The following KCTD1 variants were observed in gnomAD, a reference collection of about 807,000 sequenced individuals.
KCTD1 encodes the protein BTB/POZ domain-containing protein KCTD1.
In KCTD1, 24 loss-of-function variants were observed where a neutral mutation model predicts 66.0. The ratio of observed to expected loss-of-function variants is 0.36; its 90% confidence interval spans 0.26 to 0.51. The LOEUF (loss-of-function observed/expected upper bound fraction) is 0.51, where lower values mean the gene tolerates loss of function less well. Among genes scored for constraint, KCTD1 ranks in the 20% least tolerant of loss-of-function variants. The probability of loss-of-function intolerance (pLI) is 0.95; values close to 1 mark genes in which losing one functional copy is unlikely to be tolerated. For synonymous variants in KCTD1, 511 were observed against 517.2 expected (o/e 0.99, Z 0.16); for missense variants, 943 against 1,205.2 (o/e 0.78, Z 3.22).
intron 1 of KCTD1, among the ~76,000 whole-genome samples, chr18:26,628,672 T>C (rs973225497): frequency 4.6e-5 from 7 of 152,112 alleles, no homozygotes; most frequent in African/African-American, 1.7e-4. Flanking sequence ...TAAACCTTAC[T>C]CAACTTTCTA....
intron 1 of KCTD1, among the ~76,000 whole-genome samples, chr18:26,555,702 G>A (rs1334601609): frequency 6.6e-6 from 1 of 152,196 alleles, no homozygotes; most frequent in Non-Finnish European, 1.5e-5. Flanking sequence ...GTTCACAGAA[G>A]TTTAGAGAAT....
chr18:26,471,280 C>G (rs1981047352), intron 3 of KCTD1, among the ~76,000 whole-genome samples: 1 of 151,822 alleles, frequency 6.6e-6, no homozygotes, highest in Non-Finnish European at 1.5e-5. Flanking sequence ...ACGCTGTACT[C>G]TTACACCCAA....
intron 1 of KCTD1, among the ~76,000 whole-genome samples, chr18:26,623,490 G>A (rs1008151374): frequency 6.6e-6 from 1 of 152,126 alleles, no homozygotes; most frequent in South Asian, 2.1e-4. Flanking sequence ...CATGACATCT[G>A]ATGGTTTTAT....
chr18:26,599,561 T>G (rs1986842398), intron 1 of KCTD1: 1 of 1,508,934 alleles, frequency 6.6e-7, no homozygotes, highest in Non-Finnish European at 9.2e-7. Context: ...GCTGTTGCAG[T>G]CTGCCCACAA....
intron 1 of KCTD1, among the ~76,000 whole-genome samples, chr18:26,596,595 T>C (rs1986771770): frequency 6.6e-6 from 1 of 152,204 alleles, no homozygotes; most frequent in South Asian, 2.1e-4. Context: ...TTCAGATAGA[T>C]TTGCATTTGG....
intron 3 of KCTD1, 49 bp from the exon 4 acceptor site, chr18:26,459,974 C>A: frequency 7.4e-7 from 1 of 1,360,290 alleles, no homozygotes; most frequent in Non-Finnish European, 1.0e-6. Context: ...ACATAAAGTA[C>A]TAAACATGTC....
upstream of KCTD1, among the ~76,000 whole-genome samples, chr18:26,634,002 C>T (rs570484427): frequency 4.6e-5 from 7 of 152,290 alleles, no homozygotes; most frequent in South Asian, 6.2e-4. Flanking sequence ...GAAAGAACTA[C>T]GCTACACTCA....
At chr18:26,638,745 C>A (rs934868811) in intron 1 of KCTD1, among the ~76,000 whole-genome samples, 1 of 152,206 alleles carries the variant, frequency 6.6e-6, no homozygotes, top group Admixed American at 6.5e-5. Context: ...AAGACCTCAC[C>A]CCTTTTGATT....
rs1986555744 is a variant in KCTD1, at chr18:26,589,793, A to G, written c.-16+39354T>C. Among the ~76,000 whole-genome samples the G allele has an allele frequency of 3.9e-5, 6 of 152,188 alleles. No individual in the cohort carries two copies. The South Asian group carries it at 1.2e-3, about 32-fold the overall frequency. On this transcript the variant is annotated intron_variant, in intron 1 of 4. Coordinates refer to the KCTD1 transcript ENST00000317932. The stretch of plus-strand genomic sequence containing the variant: ...CATCCCCTGCCAGAAATGAGCACAC[A>G]AGGCAATTCTGGCCAGTGAGAGAGA...
chr18:26,639,371 G>C (rs564956457), intron 1 of KCTD1, among the ~76,000 whole-genome samples: 2 of 152,258 alleles, frequency 1.3e-5, no homozygotes, highest in African/African-American at 2.4e-5. Flanking sequence ...TCCCGAAGCC[G>C]GGCCCAGGGC....
chr18:26,609,362 C>T (rs71362653), intron 1 of KCTD1, among the ~76,000 whole-genome samples: 4,262 of 152,298 alleles, frequency 0.028, 97 homozygotes, highest in Non-Finnish European at 0.04. Context: ...ATGAATTCGG[C>T]TCCTGCCTCA....
upstream of KCTD1, among the ~76,000 whole-genome samples, chr18:26,631,923 G>A (rs1443631337): frequency 2.6e-5 from 4 of 151,180 alleles, no homozygotes; most frequent in South Asian, 4.2e-4. Context: ...GGTGGCGGGC[G>A]CCTGTAGTCC....
intron 1 of KCTD1, among the ~76,000 whole-genome samples, chr18:26,592,588 A>G (rs1349877018): frequency 6.6e-6 from 1 of 152,172 alleles, no homozygotes; most frequent in Non-Finnish European, 1.5e-5. Flanking sequence ...GGCCCATCCA[A>G]CATGAGCCCT....
In KCTD1 at chr18:26,518,454, C is replaced by T. The variant is rs183092059; in HGVS notation, c.1810-17204G>A. ...CTAAATTTTGTATTTTTAGTAGAGA[C>T]GGGGTTTCACCACATTGGTCAGGCT... On this transcript the variant is annotated intron_variant, in intron 1 of 4. Coordinates refer to ENST00000580059, the MANE Select transcript of KCTD1 (RefSeq NM_001142730.3). 8.4e-4 allele frequency among the ~76,000 whole-genome samples: 128 copies of T among 152,206 alleles called. 3 individuals are homozygous for T. Among genetic ancestry groups the T allele is most frequent in the African/African-American group, 2.7e-3 (114 of 41,540 alleles).
upstream of KCTD1, among the ~76,000 whole-genome samples, chr18:26,632,694 T>C (rs1321859477): frequency 6.6e-6 from 1 of 152,062 alleles, no homozygotes; most frequent in Non-Finnish European, 1.5e-5. Flanking sequence ...GTGGAGAAGA[T>C]GAAAATACCC....
chr18:26,644,584 C>G (rs996864936), upstream of KCTD1, among the ~76,000 whole-genome samples: 1 of 151,934 alleles, frequency 6.6e-6, no homozygotes, highest in African/African-American at 2.4e-5. Context: ...ATGGTGAAAC[C>G]CTGTCTCTAC....
At chr18:26,651,983 G>T (rs747933160) in intron 1 of KCTD1, among the ~76,000 whole-genome samples, 6 of 152,072 alleles carry the variant, frequency 3.9e-5, no homozygotes, top group Non-Finnish European at 7.4e-5. Context: ...GGCTCAGGGA[G>T]ATAGGTATTC....
chr18:26,472,053 G>A (rs1981095349), intron 3 of KCTD1, among the ~76,000 whole-genome samples: 1 of 152,186 alleles, frequency 6.6e-6, no homozygotes, highest in Admixed American at 6.5e-5. Flanking sequence ...CCTTGAGCAA[G>A]TAGGTGGATT....
intron 1 of KCTD1, among the ~76,000 whole-genome samples, chr18:26,639,688 G>A (rs190966342): frequency 3.3e-5 from 5 of 152,096 alleles, no homozygotes; most frequent in Non-Finnish European, 5.9e-5. Context: ...GCCTGGCTCC[G>A]TTACAAAGAT....
Sources: allele counts gnomAD v4.1 joint callset (sites outside exome capture counted in the v4.1 genomes callset), GRCh38; gene constraint gnomAD v4.1.1; transcripts MANE v1.5; gene names NCBI Gene and HGNC (gene_info 2026-07-23, HGNC 2026-07-21).